Variants in SCARA3 observed in about 807,000 individuals in gnomAD.
SCARA3 encodes the protein scavenger receptor class A member 3.
Under a neutral mutation model 47.0 loss-of-function variants are expected in SCARA3, and 39 were observed. The ratio of observed to expected loss-of-function variants is 0.83; its 90% CI spans 0.64 to 1.08. The LOEUF (loss-of-function observed/expected upper bound fraction) is 1.08. Ranked by LOEUF, SCARA3 falls within the 50% of genes least tolerant of loss-of-function variation. The probability of loss-of-function intolerance (pLI) is 0.00; values close to 1 mark genes in which losing one functional copy is unlikely to be tolerated. For synonymous variants in SCARA3, 356 were observed against 334.1 expected (o/e 1.07, Z -0.71); for missense variants, 724 against 792.3 (o/e 0.91, Z 1.04).
downstream of SCARA3, among the ~76,000 whole-genome samples, chr8:27,673,193 C>A (rs994549615): frequency 6.6e-6 from 1 of 152,180 alleles, no homozygotes; most frequent in Non-Finnish European, 1.5e-5. Context: ...GGACCAAGAG[C>A]GTCTGAGGGA....
the SCARA3 span, among the ~76,000 whole-genome samples, chr8:27,721,453 G>C: frequency 6.6e-6 from 1 of 152,160 alleles, no homozygotes; most frequent in Non-Finnish European, 1.5e-5. Context: ...CAGTATGGTA[G>C]ATAAATGTCA....
chr8:27,712,081 A>C, the SCARA3 span, among the ~76,000 whole-genome samples: 1 of 152,204 alleles, frequency 6.6e-6, no homozygotes, highest in East Asian at 1.9e-4. Flanking sequence ...TATTTCTGGA[A>C]TTCTCTTTCA....
downstream of SCARA3, among the ~76,000 whole-genome samples, chr8:27,676,336 C>T (rs536842760): frequency 6.6e-6 from 1 of 152,294 alleles, no homozygotes; most frequent in Non-Finnish European, 1.5e-5. Flanking sequence ...TGCCTCGTTA[C>T]TAACACCACC....
At chr8:27,639,503 TG>T (rs1287341114) in intron 1 of SCARA3, among the ~76,000 whole-genome samples, 1 of 151,814 alleles carries the variant, frequency 6.6e-6, no homozygotes, top group Non-Finnish European at 1.5e-5. Context: ...CAGCAGGTCC[TG>T]GGGGAAGAGT....
chr8:27,640,090 GA>G (rs34694351), intron 1 of SCARA3, among the ~76,000 whole-genome samples: 40 of 152,262 alleles, frequency 2.6e-4, no homozygotes, highest in African/African-American at 9.1e-4. Flanking sequence ...AATTGAGGGA[GA>G]CTTGCTTTGA....
chr8:27,707,404 A>G, the SCARA3 span, among the ~76,000 whole-genome samples: 30 of 152,198 alleles, frequency 2.0e-4, no homozygotes, highest in African/African-American at 7.2e-4. Context: ...AGAGAAATAT[A>G]AGGCCATAAA....
chr8:27,707,618 C>A, the SCARA3 span, among the ~76,000 whole-genome samples: 5 of 151,452 alleles, frequency 3.3e-5, no homozygotes, highest in African/African-American at 1.2e-4. Context: ...AACTTACTAG[C>A]AGAAATTCCA....
the SCARA3 span, among the ~76,000 whole-genome samples, chr8:27,695,588 T>A: frequency 5.9e-5 from 9 of 152,166 alleles, no homozygotes; most frequent in African/African-American, 2.2e-4. Flanking sequence ...ACCTAAATAT[T>A]AGCAGACAAA....
At chr8:27,673,642 T>C (rs1802216899), downstream of SCARA3, among the ~76,000 whole-genome samples, 1 of 152,186 alleles carries the variant, frequency 6.6e-6, no homozygotes, top group African/African-American at 2.4e-5. Context: ...ACCTCACCGC[T>C]TCCTCTATAG....
the SCARA3 span, among the ~76,000 whole-genome samples, chr8:27,693,622 GT>G: frequency 1.0e-2 from 1,515 of 152,198 alleles, 18 homozygotes; most frequent in African/African-American, 0.034. Flanking sequence ...AAAAATCTTG[GT>G]CAGGCCATGA....
At chr8:27,694,825 A>T in the SCARA3 span, among the ~76,000 whole-genome samples, 3 of 152,176 alleles carry the variant, frequency 2.0e-5, no homozygotes, top group East Asian at 5.8e-4. Flanking sequence ...CTAGGAGATG[A>T]CCCCTTGCTG....
intron 1 of SCARA3, among the ~76,000 whole-genome samples, chr8:27,641,372 C>T (rs562124064): frequency 6.6e-6 from 1 of 152,316 alleles, no homozygotes; most frequent in Admixed American, 6.5e-5. Context: ...TGGTCTTGAT[C>T]CTTTCAGAAA....
In SCARA3 at chr8:27,669,311, C is replaced by T. The variant is rs541595076; in HGVS notation, c.1370-1589C>T. On this transcript the variant is annotated intron_variant, in intron 5 of 5. Coordinates refer to ENST00000301904, the MANE Select transcript of SCARA3 (RefSeq NM_016240.3). ...CCGCACCGCCAACAGCTTCGTGGGG[C>T]GTCTCCGCCTCTGTATGGCTCTCTG... Among the ~76,000 whole-genome samples the T allele has an allele frequency of 5.3e-5, 8 of 152,356 alleles. No homozygotes were observed. The East Asian group carries it at 9.7e-4, about 18-fold the overall frequency.
At chr8:27,732,238 T>C in the SCARA3 span, among the ~76,000 whole-genome samples, 4 of 152,176 alleles carry the variant, frequency 2.6e-5, no homozygotes, top group Non-Finnish European at 4.4e-5. Context: ...TTCCTTGTGT[T>C]TTTTTTTCAG....
At chr8:27,726,526 G>A in the SCARA3 span, among the ~76,000 whole-genome samples, 6 of 152,130 alleles carry the variant, frequency 3.9e-5, no homozygotes, top group Admixed American at 1.3e-4. Flanking sequence ...GTGAAACCCC[G>A]TCTCTACTAA....
At chr8:27,636,724 C>T (rs889247887) in intron 1 of SCARA3, among the ~76,000 whole-genome samples, 26 of 152,120 alleles carry the variant, frequency 1.7e-4, no homozygotes, top group African/African-American at 6.3e-4. Context: ...CTCCAGCCTC[C>T]GGAAACCCCT....
intron 1 of SCARA3, among the ~76,000 whole-genome samples, chr8:27,636,489 A>G (rs184411948): frequency 6.6e-6 from 1 of 152,326 alleles, no homozygotes; most frequent in African/African-American, 2.4e-5. Context: ...CCTGTGAAAT[A>G]GAGAAGAAAA....
chr8:27,649,260 G>A (rs1204664114), intron 1 of SCARA3, among the ~76,000 whole-genome samples: 2 of 152,232 alleles, frequency 1.3e-5, no homozygotes, highest in Non-Finnish European at 2.9e-5. Context: ...TGGCTATGCT[G>A]GAGGCAGAGT....
At chr8:27,729,617 C>G in the SCARA3 span, among the ~76,000 whole-genome samples, 2 of 151,878 alleles carry the variant, frequency 1.3e-5, no homozygotes, top group Non-Finnish European at 2.9e-5. Flanking sequence ...ATGGTGAAAC[C>G]CCGTCTCTAC....
Sources: allele counts gnomAD v4.1 joint callset (sites outside exome capture counted in the v4.1 genomes callset), GRCh38; gene constraint gnomAD v4.1.1; transcripts MANE v1.5; gene names NCBI Gene and HGNC (gene_info 2026-07-23, HGNC 2026-07-21).